PPM1L: variants seen among roughly 807,000 people sequenced by gnomAD.
PPM1L encodes the protein protein phosphatase, Mg2+/Mn2+ dependent 1L.
In PPM1L, 13 loss-of-function variants were observed where a neutral mutation model predicts 31.4. The ratio of observed to expected loss-of-function variants is 0.41; its 90% CI spans 0.27 to 0.66. The LOEUF is 0.66. Among genes scored for constraint, PPM1L ranks in the 30% least tolerant of loss-of-function variants. The pLI is 0.29. For missense variants in PPM1L, 326 were observed against 453.7 expected (o/e 0.72, Z 2.56); for synonymous variants, 184 against 175.4 (o/e 1.05, Z -0.39).
In PPM1L at chr3:161,047,337, T is replaced by C. The variant is rs1033696076; in HGVS notation, c.575-18066T>C. On this transcript the variant is annotated intron_variant, in intron 2 of 3. Transcript: ENST00000498165. ...ATCATGAGAGAACTCCCATTCACAA[T>C]TGCTTCAAAGAGAATAAAATACCTA... is the stretch of plus-strand genomic sequence containing the variant. Among the ~76,000 whole-genome samples the C allele has an allele frequency of 1.4e-4, 21 of 152,244 alleles. 1 individual carries two copies. Among genetic ancestry groups the C allele is most frequent in the Middle Eastern group, 6.8e-3 (2 of 294 alleles).
intron 1 of PPM1L, among the ~76,000 whole-genome samples, chr3:160,802,503 G>A (rs571743461): frequency 6.6e-6 from 1 of 152,282 alleles, no homozygotes; most frequent in African/African-American, 2.4e-5. Flanking sequence ...TCGTTAGGAA[G>A]AACACTAATG....
chr3:160,969,766 A>C (rs1576750979), intron 2 of PPM1L, among the ~76,000 whole-genome samples: 1 of 152,236 alleles, frequency 6.6e-6, no homozygotes, highest in African/African-American at 2.4e-5. Context: ...AAAGAAACTA[A>C]TAAAGGGAAG....
At chr3:160,848,955 T>G (rs1349566058) in intron 1 of PPM1L, among the ~76,000 whole-genome samples, 1 of 152,130 alleles carries the variant, frequency 6.6e-6, no homozygotes, top group Non-Finnish European at 1.5e-5. Flanking sequence ...CCTGTGTATT[T>G]CACAAATTAA....
intron 1 of PPM1L, among the ~76,000 whole-genome samples, chr3:160,951,185 AT>A (rs1411494243): frequency 6.6e-6 from 1 of 152,234 alleles, no homozygotes; most frequent in Admixed American, 6.5e-5. Context: ...AAAGTCCGAC[AT>A]TAGGCTGTTT....
chr3:160,782,375 G>A (rs560685855), intron 1 of PPM1L, among the ~76,000 whole-genome samples: 1 of 152,154 alleles, frequency 6.6e-6, no homozygotes, highest in Non-Finnish European at 1.5e-5. Context: ...TAAAATGACA[G>A]TGTGTTACTC....
intron 1 of PPM1L, among the ~76,000 whole-genome samples, chr3:160,892,987 G>T: frequency 1.3e-5 from 2 of 151,966 alleles, no homozygotes; most frequent in African/African-American, 2.4e-5. Flanking sequence ...TTTCTTAATA[G>T]TTTTCAGTTG....
chr3:160,960,626 T>C (rs1324606727), intron 1 of PPM1L, among the ~76,000 whole-genome samples: 1 of 151,348 alleles, frequency 6.6e-6, no homozygotes, highest in Non-Finnish European at 1.5e-5. Flanking sequence ...GTTATGAATA[T>C]AATTTTGAAC....
chr3:160,979,202 G>C (rs1044981869), intron 2 of PPM1L, among the ~76,000 whole-genome samples: 1 of 152,082 alleles, frequency 6.6e-6, no homozygotes, highest in African/African-American at 2.4e-5. Context: ...ATTCAAATTG[G>C]GGTTTATTTA....
intron 1 of PPM1L, among the ~76,000 whole-genome samples, chr3:160,851,740 TG>T (rs1711530914): frequency 6.6e-6 from 1 of 151,794 alleles, no homozygotes; most frequent in Non-Finnish European, 1.5e-5. Context: ...ATCCGATACT[TG>T]GGGAATGAAG....
At chr3:160,938,699 C>T (rs144516328) in intron 1 of PPM1L, among the ~76,000 whole-genome samples, 1 of 152,176 alleles carries the variant, frequency 6.6e-6, no homozygotes, top group African/African-American at 2.4e-5. Flanking sequence ...TTAGCCCACT[C>T]CCCTGTTTTA....
At chr3:160,930,894 C>A (rs1463374878) in intron 1 of PPM1L, among the ~76,000 whole-genome samples, 1 of 152,068 alleles carries the variant, frequency 6.6e-6, no homozygotes, top group African/African-American at 2.4e-5. Context: ...TGGTTCATTT[C>A]AAGATTACCC....
intron 2 of PPM1L, among the ~76,000 whole-genome samples, chr3:161,007,911 G>C (rs747718382): frequency 3.3e-5 from 5 of 152,160 alleles, no homozygotes; most frequent in Non-Finnish European, 7.4e-5. Flanking sequence ...AGTCAGGAGA[G>C]AGGTGGTGGT....
chr3:161,037,466 G>A (rs1718778271), intron 2 of PPM1L, among the ~76,000 whole-genome samples: 1 of 145,794 alleles, frequency 6.9e-6, no homozygotes, highest in African/African-American at 2.6e-5. Context: ...CCAGGCTAGA[G>A]TGCAATGGTA....
At chr3:161,047,659 A>T (rs1211469062) in intron 2 of PPM1L, among the ~76,000 whole-genome samples, 1 of 152,240 alleles carries the variant, frequency 6.6e-6, no homozygotes, top group Non-Finnish European at 1.5e-5. Flanking sequence ...ACAAAGCTGG[A>T]GGCATCATGC....
Position 161,070,642 on chromosome 3 carries a change from G to A in PPM1L, c.*1485G>A, listed in dbSNP as rs1025172365. On this transcript the variant is annotated 3_prime_UTR_variant, in exon 4 of 4. Coordinates refer to ENST00000498165, the MANE Select transcript of PPM1L (RefSeq NM_139245.4). ...CCTAAGGTGACTCAAACAGCCAAAC[G>A]AAACTTCCGTTGCCTCCCAGCCCTC... is the stretch of plus-strand genomic sequence containing the variant. The A allele has an allele frequency of 3.9e-5, 6 of 152,164 alleles. No homozygotes were observed. Among genetic ancestry groups the A allele is most frequent in the African/African-American group, 4.8e-5 (2 of 41,438 alleles). The allele number at this position is 152,164 out of a possible 1,614,324, so 9.4% of individuals were successfully genotyped here.
intron 2 of PPM1L, among the ~76,000 whole-genome samples, chr3:161,046,010 C>G (rs953694795): frequency 6.8e-6 from 1 of 146,338 alleles, no homozygotes; most frequent in African/African-American, 2.5e-5. Context: ...ACTCGGGAGG[C>G]TGAGGCAGGA....
rs540492691 is a variant in PPM1L, at chr3:160,984,377, G to A, written c.574+22467G>A. 2.0e-5 allele frequency among the ~76,000 whole-genome samples: 3 copies of A among 152,280 alleles called. No homozygotes were observed. The South Asian group carries it at 6.2e-4, about 32-fold the overall frequency. Reference sequence around the variant, plus strand: ...AGCCCACAGGCAGCCAGACTTTAAGGTTATCTCCCTTGTTCCCTGAAAATC... The same window carrying A: ...AGCCCACAGGCAGCCAGACTTTAAGATTATCTCCCTTGTTCCCTGAAAATC... On this transcript the variant is annotated intron_variant, in intron 2 of 3. Coordinates refer to ENST00000498165, the MANE Select transcript of PPM1L (RefSeq NM_139245.4).
intron 2 of PPM1L, among the ~76,000 whole-genome samples, chr3:161,050,756 T>C (rs1719248701): frequency 6.6e-6 from 1 of 152,234 alleles, no homozygotes; most frequent in Non-Finnish European, 1.5e-5. Flanking sequence ...TGTCATACTA[T>C]AGCTACTCAT....
At chr3:160,792,918 A>G (rs1712144378) in intron 1 of PPM1L, among the ~76,000 whole-genome samples, 1 of 152,206 alleles carries the variant, frequency 6.6e-6, no homozygotes, top group African/African-American at 2.4e-5. Context: ...ATGATTACCA[A>G]CGAGCACAGC....
Sources: gnomAD v4.1 joint callset for allele counts (sites outside exome capture counted in the v4.1 genomes callset) on GRCh38, gnomAD v4.1.1 for gene constraint, MANE v1.5 for transcripts, NCBI Gene and HGNC (gene_info 2026-07-23, HGNC 2026-07-21) for gene names.